SLC8A1: variants seen among roughly 807,000 people sequenced by gnomAD.
SLC8A1 encodes solute carrier family 8 member A1.
A neutral mutation model predicts 68.3 loss-of-function variants in SLC8A1; 18 were observed. The ratio of observed to expected loss-of-function variants is 0.26; its 90% confidence interval spans 0.18 to 0.39. SLC8A1 has a LOEUF of 0.39. Among genes scored for constraint, SLC8A1 ranks in the 10% least tolerant of loss-of-function variants. SLC8A1 has a pLI of 1.00. For missense variants in SLC8A1, 985 were observed against 1,156.7 expected (o/e 0.85, Z 2.15); for synonymous variants, 475 against 415.5 (o/e 1.14, Z -1.74).
intron 1 of SLC8A1, among the ~76,000 whole-genome samples, chr2:40,462,513 A>G (rs1389910159): frequency 6.6e-6 from 1 of 151,388 alleles, no homozygotes; most frequent in Non-Finnish European, 1.5e-5. Context: ...CTCATATTAG[A>G]GAAGATCAGA....
At chr2:40,427,644 A>G (rs959183752) in intron 2 of SLC8A1, among the ~76,000 whole-genome samples, 3 of 152,168 alleles carry the variant, frequency 2.0e-5, no homozygotes, top group African/African-American at 4.8e-5. Flanking sequence ...AGAATCACTT[A>G]ACAACTGGGT....
rs1189054709 is a variant in SLC8A1 at position 40,216,200 on chromosome 2, CTGTGTCCA to C, written c.1809-38353_1809-38346del. On this transcript the variant is annotated intron_variant, in intron 2 of 7. Transcript: ENST00000406785. ...CCCTGGTGTGTGGTGTTCCCCCTCC[CTGTGTCCA>C]TGTGTTCTCAATGTTCAACTCCCCC... 5.9e-5 allele frequency among the ~76,000 whole-genome samples: 9 copies of C among 152,098 alleles called. No individual in the cohort carries two copies. In the East Asian group the frequency reaches 1.5e-3, roughly 26 times the overall value.
At chr2:40,405,207 A>G (rs10490043) in intron 2 of SLC8A1, among the ~76,000 whole-genome samples, 8,016 of 152,320 alleles carry the variant, frequency 0.053, 383 homozygotes, top group East Asian at 0.26. Context: ...GCCAAATTTC[A>G]GAACATAAAT....
At chr2:40,328,423 C>A (rs558795720) in intron 2 of SLC8A1, among the ~76,000 whole-genome samples, 1 of 152,224 alleles carries the variant, frequency 6.6e-6, no homozygotes, top group East Asian at 1.9e-4. Flanking sequence ...CATCTTCCTC[C>A]AACCACCACC....
intron 2 of SLC8A1, among the ~76,000 whole-genome samples, chr2:40,218,346 A>G (rs1243158171): frequency 6.6e-6 from 1 of 152,204 alleles, no homozygotes; most frequent in Non-Finnish European, 1.5e-5. Flanking sequence ...TAAATTAGGC[A>G]CAGAATTTTT....
intron 2 of SLC8A1, among the ~76,000 whole-genome samples, chr2:40,257,601 C>T (rs1196294635): frequency 6.6e-6 from 1 of 152,106 alleles, no homozygotes; most frequent in Non-Finnish European, 1.5e-5. Context: ...ATCAACACTC[C>T]CCCTGTGACA....
chr2:40,309,655 G>C (rs2073323015), intron 2 of SLC8A1, among the ~76,000 whole-genome samples: 1 of 151,850 alleles, frequency 6.6e-6, no homozygotes, highest in South Asian at 2.1e-4. Flanking sequence ...ACAGGTGTGT[G>C]CCACCATGCC....
chr2:40,463,634 C>T (rs1475064446), intron 1 of SLC8A1, among the ~76,000 whole-genome samples: 1 of 152,038 alleles, frequency 6.6e-6, no homozygotes, highest in Non-Finnish European at 1.5e-5. Flanking sequence ...ACTTTCATTG[C>T]TATCCCTTGT....
chr2:40,305,395 A>T (rs1303857759), intron 2 of SLC8A1, among the ~76,000 whole-genome samples: 2 of 152,232 alleles, frequency 1.3e-5, no homozygotes, highest in Admixed American at 1.3e-4. Flanking sequence ...AGGTATCAAT[A>T]GCATCTTCCC....
intron 2 of SLC8A1, among the ~76,000 whole-genome samples, chr2:40,256,029 T>TAGTGCTGTATGGGAACTCA (rs966206208): frequency 2.0e-5 from 3 of 152,214 alleles, no homozygotes; most frequent in Admixed American, 1.3e-4. Context: ...GGACTGTTCC[T>TAGTGCTGTATGGGAACTCA]AGTGCTGTAT....
intron 2 of SLC8A1, among the ~76,000 whole-genome samples, chr2:40,378,451 T>C (rs1015276404): frequency 1.3e-5 from 2 of 151,996 alleles, no homozygotes; most frequent in Non-Finnish European, 2.9e-5. Flanking sequence ...AAGTAGAGTA[T>C]GTGATGGGGA....
intron 6 of SLC8A1, among the ~76,000 whole-genome samples, chr2:40,147,683 T>G (rs1487679191): frequency 6.6e-6 from 1 of 152,176 alleles, no homozygotes; most frequent in African/African-American, 2.4e-5. Context: ...CCCTATAATT[T>G]TTAACAGACA....
At chr2:40,127,548 C>T (rs2110927) in intron 7 of SLC8A1, among the ~76,000 whole-genome samples, 96,525 of 152,050 alleles carry the variant, frequency 0.63, 32,217 homozygotes, top group East Asian at 0.81. Flanking sequence ...TGGTTACCTG[C>T]TTTTTTGCGA....
chr2:40,381,624 C>CA (rs1233666106), intron 2 of SLC8A1, among the ~76,000 whole-genome samples: 3 of 151,962 alleles, frequency 2.0e-5, no homozygotes, highest in African/African-American at 7.2e-5. Context: ...GAAATGGACC[C>CA]AGCTGTCCTA....
At chr2:40,216,070 G>C (rs1367627386) in intron 2 of SLC8A1, among the ~76,000 whole-genome samples, 1 of 148,888 alleles carries the variant, frequency 6.7e-6, no homozygotes, top group African/African-American at 2.5e-5. Flanking sequence ...TACATGTGCA[G>C]AACGTGCAAG....
chr2:40,352,698 T>C (rs1250737942), intron 2 of SLC8A1, among the ~76,000 whole-genome samples: 1 of 152,216 alleles, frequency 6.6e-6, no homozygotes, highest in Admixed American at 6.5e-5. Context: ...TCAGCCTCTT[T>C]TGAAAAGTAT....
intron 2 of SLC8A1, among the ~76,000 whole-genome samples, chr2:40,242,619 C>G (rs544036823): frequency 6.6e-6 from 1 of 152,312 alleles, no homozygotes; most frequent in South Asian, 2.1e-4. Flanking sequence ...CAGCTGCCAC[C>G]ACTTCTTTGC....
At chr2:40,452,588 T>G (rs1451713086), upstream of SLC8A1, among the ~76,000 whole-genome samples, 1 of 152,162 alleles carries the variant, frequency 6.6e-6, no homozygotes, top group Non-Finnish European at 1.5e-5. Context: ...TTAATCCAAC[T>G]ATCTTTCTTC....
At chr2:40,288,407 G>T (rs1250727519) in intron 2 of SLC8A1, among the ~76,000 whole-genome samples, 2 of 152,158 alleles carry the variant, frequency 1.3e-5, no homozygotes, top group Non-Finnish European at 2.9e-5. Context: ...TTCCACCAGG[G>T]ATGATCTGGC....
Sources: gnomAD v4.1 joint callset for allele counts (sites outside exome capture counted in the v4.1 genomes callset) on GRCh38, gnomAD v4.1.1 for gene constraint, MANE v1.5 for transcripts, NCBI Gene and HGNC (gene_info 2026-07-23, HGNC 2026-07-21) for gene names.